Variants in PKD1L3 observed in about 807,000 individuals in gnomAD.
PKD1L3 encodes the protein polycystin-1-like protein 3.
A neutral mutation model predicts 184.1 loss-of-function variants in PKD1L3; 239 were observed. The observed-to-expected ratio is 1.30, with a 90% CI of 1.17 to 1.45. The LOEUF is 1.45. Among genes scored for constraint, PKD1L3 ranks in the 40% most tolerant of loss-of-function variants. The pLI is 0.00. For missense variants in PKD1L3, 2,660 were observed against 2,067.2 expected (o/e 1.29, Z -5.56); for synonymous variants, 996 against 778.8 (o/e 1.28, Z -4.64).
chr16:71,976,107 C>G (rs1289033272), intron 11 of PKD1L3, among the ~76,000 whole-genome samples: 1 of 151,754 alleles, frequency 6.6e-6, no homozygotes, highest in Non-Finnish European at 1.5e-5. Flanking sequence ...ACCACCATGA[C>G]CAGCTAATTT....
rs1567531341 is a variant in PKD1L3, at chr16:71,973,402, CA to C, written c.1874del (p.Leu625TrpfsTer35). ...RQEGAQQTPS[L>X]VSVITAVTQC... is the part of the protein sequence containing the mutation. ...GAGTGACGGCGGTGATGACCGAGACCAAGCTGGGTGTCTGCTGAGCACCCTC... is the reference window on the plus strand; with the variant it reads ...GAGTGACGGCGGTGATGACCGAGACCAGCTGGGTGTCTGCTGAGCACCCTC... On this transcript the variant is annotated frameshift_variant, in exon 12 of 30. Coordinates refer to ENST00000620267, the MANE Select transcript of PKD1L3 (RefSeq NM_181536.2). LOFTEE classifies it high-confidence loss of function. The C allele has an allele frequency of 5.2e-6, 8 of 1,551,658 alleles. No homozygotes were observed. The highest frequency in any genetic ancestry group is 6.1e-6 in the Non-Finnish European group (7 of 1,147,004).
intron 17 of PKD1L3, 120 bp downstream of exon 17, chr16:71,953,985 G>T: frequency 1.2e-6 from 1 of 805,752 alleles, no homozygotes; most frequent in Non-Finnish European, 1.8e-6. Context: ...GGAGGCTGAG[G>T]CAGGAGGATC....
chr16:71,995,769 C>T lies in PKD1L3; in HGVS notation c.419-2437G>A, dbSNP rs2040762670. On this transcript the variant is annotated intron_variant, in intron 2 of 29. Transcript: ENST00000620267. ...AGATTCCTAGCAGTGGACACTGGGT[C>T]AAGGGTAGATGTATATGTAATTTTG... Among the ~76,000 whole-genome samples, 3 of 152,236 alleles carry T rather than the reference C, an allele frequency of 2.0e-5. No homozygotes were observed. In the South Asian group the frequency reaches 6.2e-4, roughly 32 times the overall value.
At chr16:71,967,627 G>T (rs781608101) in intron 14 of PKD1L3, among the ~76,000 whole-genome samples, 1 of 152,088 alleles carries the variant, frequency 6.6e-6, no homozygotes, top group Non-Finnish European at 1.5e-5. Flanking sequence ...ATCACGCTCA[G>T]CTAATTTCTG....
In PKD1L3 at chr16:71,943,801, G is replaced by A. The variant is rs370304695; in HGVS notation, c.3859+229C>T. ...AGATCAAGTGTTATTACATTTTGCA[G>A]GTGGAGAAAGTGACTTACTCAAGCA... On this transcript the variant is annotated intron_variant, in intron 23 of 29. Transcript: ENST00000620267. Among the ~76,000 whole-genome samples the A allele has an allele frequency of 1.6e-4, 24 of 152,244 alleles. 1 individual carries two copies. The highest frequency in any genetic ancestry group is 9.8e-4 in the Admixed American group (15 of 15,282).
In PKD1L3 at chr16:71,929,579, C is replaced by T. The variant is rs139500935; in HGVS notation, c.5158G>A (p.Ala1720Thr). 1,192 of 1,551,728 alleles carry T rather than the reference C, an allele frequency of 7.7e-4. 9 individuals are homozygous for T. The African/African-American group carries it at 0.014, about 19-fold the overall frequency. The change falls in exon 30 of 30, where the codon GCA (alanine) becomes ACA (threonine). Residue 1720 changes from alanine to threonine, a missense_variant. By Grantham distance (58) the Ala-to-Thr change is moderately conservative (BLOSUM62 0). Transcript: ENST00000620267. ...KTSSEQAATTAVGSDTEVLDE... is the reference protein window; with the variant it reads ...KTSSEQAATTTVGSDTEVLDE... ...AAAACTTCAGTGTCACTGCCCACTGCTGTCGTGGCTGCTTGCTCAGATGAG... is the reference window on the plus strand; with the variant it reads ...AAAACTTCAGTGTCACTGCCCACTGTTGTCGTGGCTGCTTGCTCAGATGAG...
At chr16:71,954,358 G>C in intron 16 of PKD1L3, 57 bp from the exon 17 acceptor site, 1 of 1,363,050 alleles carries the variant, frequency 7.3e-7, no homozygotes, top group South Asian at 1.5e-5. Flanking sequence ...AAGTGCACCA[G>C]TTTAAGATGT....
chr16:71,939,936 A>C (rs1359020199), intron 24 of PKD1L3, among the ~76,000 whole-genome samples: 1 of 152,194 alleles, frequency 6.6e-6, no homozygotes, highest in Non-Finnish European at 1.5e-5. Flanking sequence ...GAAGCTGAAA[A>C]GTAGAGGAAT....
rs756119291 is a variant in PKD1L3, at chr16:71,929,605, G to GT, written c.5131dup (p.Thr1711AsnfsTer4). Reference sequence around the variant, plus strand: ...TGTCGTGGCTGCTTGCTCAGATGAGGTTTTTTGGGGCCAACTGATTCCTAA... The same window carrying GT: ...TGTCGTGGCTGCTTGCTCAGATGAGGTTTTTTTGGGGCCAACTGATTCCTAA... On this transcript the variant is annotated frameshift_variant, in exon 30 of 30. Coordinates refer to ENST00000620267, the MANE Select transcript of PKD1L3 (RefSeq NM_181536.2). LOFTEE classifies it low-confidence loss of function (END_TRUNC). 1.3e-6 allele frequency: 2 copies of GT among 1,551,830 alleles called. No individual in the cohort carries two copies. Among genetic ancestry groups the GT allele is most frequent in the East Asian group, 4.9e-5 (2 of 40,924 alleles).
intron 25 of PKD1L3, among the ~76,000 whole-genome samples, chr16:71,936,071 C>T (rs781082197): frequency 3.9e-5 from 6 of 151,946 alleles, no homozygotes; most frequent in African/African-American, 9.7e-5. Flanking sequence ...GCTGGGATTA[C>T]AGGCGTGAGC....
rs2040861638 is a variant in PKD1L3 at position 71,998,351 on chromosome 16, G to A, written c.339C>T (p.Thr113=). 1.9e-6 allele frequency: 3 copies of A among 1,551,770 alleles called. No individual in the cohort carries two copies. The highest frequency in any genetic ancestry group is 1.7e-6 in the Non-Finnish European group (2 of 1,147,040). The change falls in exon 2 of 30, where the codon ACC becomes ACT. Residue 113 remains threonine (T), a synonymous_variant. Transcript: ENST00000620267. ...TCCGAATGAAGTTTCTGGACAGGTA[G>A]GTGCAGCTGAGGGGCTTTGGGGGCC... ...ANGPPKPLSC[T]YLSRNFIRIS... is the part of the protein sequence containing the mutation.
At position 71,999,920 on chromosome 16, in the gene PKD1L3, C is replaced by A. The variant is rs1292773524; in HGVS notation, c.59G>T (p.Gly20Val). ...WLYIRTSIIL[G>V]SELNSPAPHG... is the part of the protein sequence containing the mutation. ...TGGTGCTGGGCTGTTTAGCTCACTT[C>A]CTAGAATAATACTTGTTCTGATGTA... The change falls in exon 1 of 30, where the codon GGA becomes GTA. Residue 20 changes from glycine (G) to valine (V), a missense_variant. Gly to Val is a moderately radical substitution (Grantham distance 109). Coordinates refer to ENST00000620267, the MANE Select transcript of PKD1L3 (RefSeq NM_181536.2). The A allele has an allele frequency of 2.6e-6, 4 of 1,551,094 alleles. No homozygotes were observed. The East Asian group carries it at 9.8e-5, about 38-fold the overall frequency.
intron 2 of PKD1L3, among the ~76,000 whole-genome samples, chr16:71,993,871 T>C (rs780530814): frequency 5.3e-5 from 8 of 152,130 alleles, no homozygotes; most frequent in Admixed American, 2.6e-4. Flanking sequence ...ACCTTCTGGG[T>C]TCAAGTGATT....
rs149635567 is a variant in PKD1L3, at chr16:71,947,511, CTTTG to C, written c.3695_3698del (p.Thr1232ArgfsTer26). 0.25 allele frequency: 383,682 copies of C among 1,541,564 alleles called. 51,023 individuals are homozygous for C. Among genetic ancestry groups the C allele is most frequent in the African/African-American group, 0.4 (28,875 of 72,632 alleles). On this transcript the variant is annotated frameshift_variant, in exon 22 of 30. Coordinates refer to ENST00000620267, the MANE Select transcript of PKD1L3 (RefSeq NM_181536.2). LOFTEE classifies it high-confidence loss of function. ...AGTTACCCAAGAGTGCCAAGATCCT[CTTTG>C]TTTGTTGTTCATTCTCTTTGTTAAG... is the stretch of plus-strand genomic sequence containing the variant.
At chr16:71,951,492 A>T in intron 19 of PKD1L3, 72 bp downstream of exon 19, 2 of 1,415,828 alleles carry the variant, frequency 1.4e-6, no homozygotes, top group Non-Finnish European at 9.5e-7. Context: ...ATGAATGAGT[A>T]AGAAAGTAAG....
intron 12 of PKD1L3, among the ~76,000 whole-genome samples, chr16:71,970,978 G>A (rs1344834166): frequency 1.3e-5 from 2 of 152,294 alleles, no homozygotes; most frequent in Middle Eastern, 6.8e-3. Flanking sequence ...TCTATTCATT[G>A]TCAGTTTCCC....
chr16:71,945,289 T>TAC (rs1404179795), intron 22 of PKD1L3, among the ~76,000 whole-genome samples: 1 of 64,430 alleles, frequency 1.6e-5, no homozygotes, highest in Non-Finnish European at 2.6e-5. Flanking sequence ...TATATATATA[T>TAC]ATATATATAT....
chr16:71,994,202 T>A (rs1277478054), intron 2 of PKD1L3, among the ~76,000 whole-genome samples: 3 of 152,170 alleles, frequency 2.0e-5, no homozygotes, highest in Non-Finnish European at 4.4e-5. Context: ...ATCGTGAAGC[T>A]CGAGCAGCCT....
intron 3 of PKD1L3, 93 bp downstream of exon 3, chr16:71,993,123 T>C (rs1237294798): frequency 1.1e-6 from 1 of 896,116 alleles, no homozygotes; most frequent in East Asian, 2.7e-5. Flanking sequence ...GCACATGTTA[T>C]AACACATTTC....
Sources: allele counts gnomAD v4.1 joint callset (sites outside exome capture counted in the v4.1 genomes callset), GRCh38; gene constraint gnomAD v4.1.1; transcripts MANE v1.5; gene names NCBI Gene and HGNC (gene_info 2026-07-23, HGNC 2026-07-21).